Variants in CARHSP1 observed in about 807,000 individuals in gnomAD.
CARHSP1 encodes calcium regulated heat stable protein 1, also known as calcium-regulated heat-stable protein 1.
In CARHSP1, 14 loss-of-function variants were observed where a neutral mutation model predicts 12.5. The observed-to-expected ratio is 1.12, with a 90% CI of 0.74 to 1.75. The LOEUF (loss-of-function observed/expected upper bound fraction) is 1.75. Among genes scored for constraint, CARHSP1 ranks in the 40% most tolerant of loss-of-function variants. The pLI, the probability that CARHSP1 is intolerant of heterozygous loss-of-function variation, is 0.00. For missense variants in CARHSP1, 343 were observed against 201.6 expected, an observed-to-expected ratio of 1.70 and a Z score of -4.25; for synonymous variants, 161 against 82.0, an observed-to-expected ratio of 1.96 and a Z score of -5.20.
chr16:8,857,267 T>TTTGTTTTTTGTTTTTTG (rs1285555523), intron 3 of CARHSP1, among the ~76,000 whole-genome samples: 4 of 17,236 alleles, frequency 2.3e-4, no homozygotes, highest in South Asian at 2.8e-3. Context: ...AGATCTGTTT[T>TTTGTTTTTTGTTTTTTG]TTTTTTTTTT....
chr16:8,866,790 C>T (rs943732803), intron 1 of CARHSP1, among the ~76,000 whole-genome samples: 1 of 152,076 alleles, frequency 6.6e-6, no homozygotes, highest in Non-Finnish European at 1.5e-5. Context: ...CGGAGTCAGC[C>T]CTCCGCTGGC....
intron 1 of CARHSP1, among the ~76,000 whole-genome samples, chr16:8,859,542 T>C (rs183623923): frequency 1.2e-4 from 18 of 151,764 alleles, no homozygotes; most frequent in Non-Finnish European, 1.9e-4. Context: ...CCCTCGATCA[T>C]AGCTCTTCAT....
intron 1 of CARHSP1, among the ~76,000 whole-genome samples, chr16:8,862,167 T>G (rs571402680): frequency 1.1e-3 from 165 of 152,002 alleles, no homozygotes; most frequent in African/African-American, 3.7e-3. Context: ...CACGCCCGGC[T>G]AATGAAGCAT....
At chr16:8,865,779 C>T (rs906636283) in intron 1 of CARHSP1, among the ~76,000 whole-genome samples, 1 of 152,184 alleles carries the variant, frequency 6.6e-6, no homozygotes, top group Non-Finnish European at 1.5e-5. Context: ...ACGTAAACAT[C>T]GACCCAACAG....
chr16:8,863,883 A>G (rs1228799632), intron 1 of CARHSP1, among the ~76,000 whole-genome samples: 5 of 152,108 alleles, frequency 3.3e-5, no homozygotes. Context: ...AGCCCCGCCC[A>G]CCAGCACAGT....
chr16:8,857,073 A>C (rs575619362), intron 3 of CARHSP1, among the ~76,000 whole-genome samples: 1 of 152,040 alleles, frequency 6.6e-6, no homozygotes. Flanking sequence ...CCCCAGGCCA[A>C]ACAGGGCTCC....
At chr16:8,866,709 G>A (rs1361620462) in intron 1 of CARHSP1, among the ~76,000 whole-genome samples, 1 of 151,130 alleles carries the variant, frequency 6.6e-6, no homozygotes, top group African/African-American at 2.4e-5. Context: ...GGAGGGGGAG[G>A]GACACGAAGG....
chr16:8,859,029 C>T, intron 2 of CARHSP1, 142 bp downstream of exon 2: 2 of 718,688 alleles, frequency 2.8e-6, no homozygotes, highest in Non-Finnish European at 2.2e-6. Flanking sequence ...TAGTTTCTCA[C>T]CCTCAGCCCA....
rs756390920 is a variant in CARHSP1 at position 8,857,263 on chromosome 16, G to GTTTTTTTTTTTTTTTTTT, written c.281+1069_281+1086dup. Among the ~76,000 whole-genome samples, 9 of 57,032 alleles carry GTTTTTTTTTTTTTTTTTT rather than the reference G, an allele frequency of 1.6e-4. 1 individual carries two copies. The highest frequency in any genetic ancestry group is 3.3e-4 in the Admixed American group (2 of 5,976). The allele number at this position is 57,032 out of a possible 152,430, so 37.4% of individuals were successfully genotyped here. A position where few individuals can be genotyped will look rare whatever the true frequency, so the allele number is the denominator to read the frequency against. On this transcript the variant is annotated intron_variant, in intron 3 of 3. Coordinates refer to ENST00000311052, the MANE Select transcript of CARHSP1 (RefSeq NM_014316.4). ...TGGCTATGTGATCTTGGGCAGATCT[G>GTTTTTTTTTTTTTTTTTT]TTTTTTTTTTTTTTTTTTTTTTTTT...
chr16:8,868,527 C>T (rs1010038357), intron 1 of CARHSP1: 26 of 149,928 alleles, frequency 1.7e-4, no homozygotes, highest in Non-Finnish European at 8.9e-5. Flanking sequence ...GGCCGCCGTC[C>T]CAACCTCGAG....
Position 8,866,782 on chromosome 16 carries a change from G to C in CARHSP1, c.-8+2184C>G, listed in dbSNP as rs554948785. ...CAAAGGGGAGGGGGCAGCCAGGCCGGAGTCAGCCCTCCGCTGGCTAAGGAC... is the reference window on the plus strand; with the variant it reads ...CAAAGGGGAGGGGGCAGCCAGGCCGCAGTCAGCCCTCCGCTGGCTAAGGAC... On this transcript the variant is annotated intron_variant, in intron 1 of 3. Coordinates refer to ENST00000311052, the MANE Select transcript of CARHSP1 (RefSeq NM_014316.4). 5.9e-5 allele frequency among the ~76,000 whole-genome samples: 9 copies of C among 151,746 alleles called. No homozygotes were observed. The South Asian group carries it at 1.4e-3, about 24-fold the overall frequency.
chr16:8,855,955 A>T (rs2061089221), intron 3 of CARHSP1, among the ~76,000 whole-genome samples: 1 of 152,100 alleles, frequency 6.6e-6, no homozygotes, highest in East Asian at 1.9e-4. Flanking sequence ...ATCTGGGACT[A>T]TAGGCACCAC....
In CARHSP1 at chr16:8,854,948, G is replaced by A. The variant is rs935371298; in HGVS notation, c.*216C>T. 2.2e-5 allele frequency: 9 copies of A among 403,166 alleles called. No homozygotes were observed. Among genetic ancestry groups the A allele is most frequent in the Non-Finnish European group, 3.9e-5 (9 of 228,458 alleles). 25.0% of individuals were successfully genotyped at this position (403,166 alleles called of 1,614,324 possible). A position where few individuals can be genotyped will look rare whatever the true frequency, so the allele number is the denominator to read the frequency against. On this transcript the variant is annotated 3_prime_UTR_variant, in exon 4 of 4. Transcript: ENST00000311052. ...ATGCTTTTAATGCTCTTCAGATGGT[G>A]AGAGGTTGTTGCAATGGTCATAGGC...
At chr16:8,863,565 G>A (rs1172506269) in intron 1 of CARHSP1, among the ~76,000 whole-genome samples, 8 of 152,214 alleles carry the variant, frequency 5.3e-5, no homozygotes, top group Non-Finnish European at 2.9e-5. Context: ...GAGCAGACGT[G>A]ACTAGGGGCG....
At position 8,855,342 on chromosome 16, in the gene CARHSP1, T is replaced by TA. The variant is rs754812351; in HGVS notation, c.282-17dup. ...CCCTTCCACACTACGGGGGCATAAA[T>TA]AAAGCAGTCAGGGCTCACACCGGGA... is the stretch of plus-strand genomic sequence containing the variant. On this transcript the variant is annotated splice_polypyrimidine_tract_variant and intron_variant, in intron 3 of 3. Coordinates refer to ENST00000311052, the MANE Select transcript of CARHSP1 (RefSeq NM_014316.4). 1.2e-5 allele frequency: 19 copies of TA among 1,522,866 alleles called. No individual in the cohort carries two copies. The South Asian group carries it at 1.8e-4, about 14-fold the overall frequency. 94.3% of individuals were successfully genotyped at this position (1,522,866 alleles called of 1,614,324 possible).
rs966339317 is a variant in CARHSP1, at chr16:8,854,102, T to A, written c.*1062A>T. On this transcript the variant is annotated 3_prime_UTR_variant, in exon 4 of 4. Coordinates refer to ENST00000311052, the MANE Select transcript of CARHSP1 (RefSeq NM_014316.4). ...CAGTCTCCCACCCTGCCAAAAAGTT[T>A]GCAATGTCGGCAGCAAAGTGCAAAC... The A allele has an allele frequency of 1.2e-4, 18 of 151,880 alleles. No individual in the cohort carries two copies. Among genetic ancestry groups the A allele is most frequent in the African/African-American group, 2.9e-4 (12 of 41,318 alleles). 9.4% of individuals were successfully genotyped at this position (151,880 alleles called of 1,614,324 possible).
At position 8,854,940 on chromosome 16, in the gene CARHSP1, C is replaced by T. The variant is rs2061048236; in HGVS notation, c.*224G>A. On this transcript the variant is annotated 3_prime_UTR_variant, in exon 4 of 4. Coordinates refer to ENST00000311052, the MANE Select transcript of CARHSP1 (RefSeq NM_014316.4). ...CTTTTTAAATGCTTTTAATGCTCTT[C>T]AGATGGTGAGAGGTTGTTGCAATGG... The T allele has an allele frequency of 2.5e-6, 1 of 394,450 alleles. No homozygotes were observed. The highest frequency in any genetic ancestry group is 4.5e-6 in the Non-Finnish European group (1 of 223,268). 24.4% of individuals were successfully genotyped at this position (394,450 alleles called of 1,614,324 possible).
intron 1 of CARHSP1, chr16:8,867,441 G>C (rs892256518): frequency 6.6e-6 from 1 of 152,242 alleles, no homozygotes; most frequent in African/African-American, 2.4e-5. Flanking sequence ...TAGTGCGGCT[G>C]ATGGTGGAAG....
At chr16:8,859,112 C>G (rs1303412018) in intron 2 of CARHSP1, 59 bp downstream of exon 2, 21 of 1,479,008 alleles carry the variant, frequency 1.4e-5, no homozygotes, top group Non-Finnish European at 1.8e-5. Flanking sequence ...CACAGTGAAT[C>G]TCTGGCCTCA....
Sources: allele counts gnomAD v4.1 joint callset (sites outside exome capture counted in the v4.1 genomes callset), GRCh38; gene constraint gnomAD v4.1.1; transcripts MANE v1.5; gene names NCBI Gene and HGNC (gene_info 2026-07-23, HGNC 2026-07-21).